EYS: variants seen among roughly 807,000 people sequenced by gnomAD.
EYS encodes the protein EGF-like photoreceptor maintenance factor.
A neutral mutation model predicts 282.1 loss-of-function variants in EYS; 250 were observed. That is an observed-to-expected ratio of 0.89 (90% CI 0.80 to 0.98). The LOEUF is 0.98. EYS is among the 50% of genes least tolerant of loss of function. The probability of loss-of-function intolerance (pLI) is 0.00; values close to 1 mark genes in which losing one functional copy is unlikely to be tolerated. For missense variants in EYS, 4,016 were observed against 3,709.0 expected, an observed-to-expected ratio of 1.08 and a Z score of -2.15; for synonymous variants, 1,355 against 1,282.9, an observed-to-expected ratio of 1.06 and a Z score of -1.20.
rs117542888 is a variant in EYS at position 63,952,338 on chromosome 6, G to A, written c.7055+32045C>T. 1.8e-3 allele frequency among the ~76,000 whole-genome samples: 267 copies of A among 152,082 alleles called. 3 individuals carry two copies. The East Asian group carries it at 0.043, about 24-fold the overall frequency. On this transcript the variant is annotated intron_variant, in intron 35 of 42. Transcript: ENST00000503581. ...TGGAACTCTGGCCCAAGGCCTTCTC[G>A]GCTTAGCAACTGAAGACTGATGCTG...
At chr6:64,606,484 G>C (rs1415534) in intron 24 of EYS, among the ~76,000 whole-genome samples, 2 of 151,790 alleles carry the variant, frequency 1.3e-5, no homozygotes, top group African/African-American at 4.8e-5. Flanking sequence ...CTCCCTTGGA[G>C]TATTATTCTA....
At chr6:64,211,733 T>C (rs894783105) in intron 31 of EYS, among the ~76,000 whole-genome samples, 24 of 149,840 alleles carry the variant, frequency 1.6e-4, no homozygotes, top group African/African-American at 5.6e-4. Flanking sequence ...TTTATATATA[T>C]AAAATGTATC....
At chr6:64,384,745 TATC>T (rs1488578273) in intron 29 of EYS, among the ~76,000 whole-genome samples, 2 of 152,178 alleles carry the variant, frequency 1.3e-5, no homozygotes, top group Non-Finnish European at 2.9e-5. Context: ...CCTTGAAAGT[TATC>T]ATCATTTATG....
chr6:64,268,837 A>T (rs1562280041), intron 30 of EYS, among the ~76,000 whole-genome samples: 1 of 152,072 alleles, frequency 6.6e-6, no homozygotes, highest in Non-Finnish European at 1.5e-5. Context: ...GTATTTGGAG[A>T]TTTGCCATGG....
intron 31 of EYS, among the ~76,000 whole-genome samples, chr6:64,200,335 G>A (rs1765425806): frequency 6.6e-6 from 1 of 152,108 alleles, no homozygotes; most frequent in Admixed American, 6.6e-5. Flanking sequence ...ATCTACTTTA[G>A]TTAACAATAG....
intron 41 of EYS, among the ~76,000 whole-genome samples, chr6:63,729,522 CTT>C (rs200980350): frequency 7.0e-6 from 1 of 142,076 alleles, no homozygotes. Context: ...TGTCTAGATT[CTT>C]TTTTTTTTTT....
intron 26 of EYS, among the ~76,000 whole-genome samples, chr6:64,481,886 T>C (rs1420713743): frequency 6.6e-6 from 1 of 151,736 alleles, no homozygotes; most frequent in Admixed American, 6.6e-5. Flanking sequence ...TTTAAGGATT[T>C]AAGTGTGATT....
In EYS at chr6:64,102,067, C is replaced by G. The variant is rs550348970; in HGVS notation, c.6425-20065G>C. Among the ~76,000 whole-genome samples, 4 of 152,224 alleles carry G rather than the reference C, an allele frequency of 2.6e-5. No homozygotes were observed. In the South Asian group the frequency reaches 8.3e-4, roughly 32 times the overall value. On this transcript the variant is annotated intron_variant, in intron 31 of 42. Transcript: ENST00000503581. ...AAGCTTCGCTGGATCACCCACCACT[C>G]TCCTCCTTCTGTGCCGCCGGTTCCT...
At chr6:65,080,541 T>A (rs549348146) in intron 12 of EYS, among the ~76,000 whole-genome samples, 1 of 152,114 alleles carries the variant, frequency 6.6e-6, no homozygotes, top group Non-Finnish European at 1.5e-5. Flanking sequence ...TGATATTAGA[T>A]ATCATCATTT....
intron 22 of EYS, among the ~76,000 whole-genome samples, chr6:64,654,682 A>G (rs1768684645): frequency 6.6e-6 from 1 of 152,222 alleles, no homozygotes; most frequent in African/African-American, 2.4e-5. Context: ...TTTTAAATAC[A>G]TGATTTCTTT....
At chr6:64,985,955 G>A (rs576545625) in intron 14 of EYS, among the ~76,000 whole-genome samples, 3 of 151,612 alleles carry the variant, frequency 2.0e-5, no homozygotes, top group African/African-American at 7.2e-5. Context: ...ACGTTTTCCA[G>A]AATCCAGCTA....
rs952804852 is a variant in EYS at position 64,906,410 on chromosome 6, C to G, written c.2642-3910G>C. On this transcript the variant is annotated intron_variant, in intron 16 of 42. Coordinates refer to ENST00000503581, the MANE Select transcript of EYS (RefSeq NM_001142800.2). Reference sequence around the variant, plus strand: ...AGCTATTAACCTTAACAGGTATGTGCTACAACATGGGTACATGTTTTTAAT... The same window carrying G: ...AGCTATTAACCTTAACAGGTATGTGGTACAACATGGGTACATGTTTTTAAT... 1.2e-4 allele frequency among the ~76,000 whole-genome samples: 18 copies of G among 152,048 alleles called. 1 individual carries two copies. Among genetic ancestry groups the G allele is most frequent in the Admixed American group, 5.2e-4 (8 of 15,274 alleles).
chr6:64,878,341 G>T (rs373367919), intron 19 of EYS, among the ~76,000 whole-genome samples: 1 of 152,154 alleles, frequency 6.6e-6, no homozygotes, highest in African/African-American at 2.4e-5. Flanking sequence ...ATGCAGATGC[G>T]TATAGTTTGG....
At chr6:64,620,548 A>C (rs2149852221) in intron 23 of EYS, among the ~76,000 whole-genome samples, 1 of 152,272 alleles carries the variant, frequency 6.6e-6, no homozygotes, top group South Asian at 2.1e-4. Flanking sequence ...AGTACAGGAA[A>C]CCACACTACA....
intron 2 of EYS, among the ~76,000 whole-genome samples, chr6:65,593,571 GGTGTCTCTCATAT>G (rs1298883846): frequency 6.6e-6 from 1 of 151,960 alleles, no homozygotes; most frequent in East Asian, 1.9e-4. Flanking sequence ...AAAGTTTCAA[GGTGTCTCTCATAT>G]GCATACACTA....
intron 5 of EYS, among the ~76,000 whole-genome samples, chr6:65,455,605 T>G (rs1764571560): frequency 6.6e-6 from 1 of 152,054 alleles, no homozygotes; most frequent in African/African-American, 2.4e-5. Flanking sequence ...AAAGGAGATG[T>G]GAGAGTATTA....
chr6:65,091,449 C>CTAGA (rs1774561951), intron 12 of EYS, among the ~76,000 whole-genome samples: 3 of 85,792 alleles, frequency 3.5e-5, no homozygotes, highest in African/African-American at 1.5e-4. Context: ...GACTACATCT[C>CTAGA]AAGAAATAAA....
At chr6:65,316,853 C>T (rs558845639) in intron 11 of EYS, among the ~76,000 whole-genome samples, 19 of 152,108 alleles carry the variant, frequency 1.2e-4, no homozygotes, top group Non-Finnish European at 2.4e-4. Flanking sequence ...TGTATATGTG[C>T]CACATTTTCT....
intron 2 of EYS, among the ~76,000 whole-genome samples, chr6:65,523,070 T>TA (rs1002362207): frequency 6.6e-6 from 1 of 152,062 alleles, no homozygotes; most frequent in African/African-American, 2.4e-5. Context: ...GATTAACAAT[T>TA]AAAAAAACAC....
Sources: gnomAD v4.1 joint callset for allele counts (sites outside exome capture counted in the v4.1 genomes callset) on GRCh38, gnomAD v4.1.1 for gene constraint, MANE v1.5 for transcripts, NCBI Gene and HGNC (gene_info 2026-07-23, HGNC 2026-07-21) for gene names.